The following CNOT2 variants were observed in gnomAD, a reference collection of about 807,000 sequenced individuals.
The protein encoded by CNOT2 is CCR4-NOT transcription complex subunit 2.
A neutral mutation model predicts 72.1 loss-of-function variants in CNOT2; 7 were observed. The observed-to-expected ratio is 0.10, with a 90% CI of 0.06 to 0.18. The LOEUF (loss-of-function observed/expected upper bound fraction) is 0.18, where lower values mean the gene tolerates loss of function less well. CNOT2 is among the 10% of genes least tolerant of loss of function. CNOT2 has a pLI of 1.00. For synonymous variants in CNOT2, 196 were observed against 225.6 expected (o/e 0.87, Z 1.17); for missense variants, 345 against 660.3 (o/e 0.52, Z 5.23).
chr12:70,340,790 C>G (rs1881384977), intron 11 of CNOT2, among the ~76,000 whole-genome samples: 1 of 151,616 alleles, frequency 6.6e-6, no homozygotes, highest in Non-Finnish European at 1.5e-5. Context: ...CGTACAATCT[C>G]TTCATATAAC....
intron 9 of CNOT2, 69 bp from the exon 10 acceptor site, chr12:70,338,374 A>G: frequency 3.1e-6 from 4 of 1,296,906 alleles, no homozygotes; most frequent in Non-Finnish European, 4.3e-6. Flanking sequence ...ATAGCAAGGT[A>G]TTAATATGTG....
intron 2 of CNOT2, chr12:70,294,238 C>T: frequency 7.8e-7 from 1 of 1,289,396 alleles, no homozygotes; most frequent in Middle Eastern, 2.1e-4. Context: ...TCACTTCAGC[C>T]TCCAGCTCTG....
At position 70,346,267 on chromosome 12, in the gene CNOT2, C is replaced by G; in HGVS notation, c.1479C>G (p.Thr493=). 1 of 1,611,616 alleles carries G rather than the reference C, an allele frequency of 6.2e-7. No homozygotes were observed. The highest frequency in any genetic ancestry group is 8.5e-7 in the Non-Finnish European group (1 of 1,177,816). ...TGGAGCCAACAATGAAAACCAATAC[C>G]TATGAGAGGGGAACATATTACTTCT... ...PGMEPTMKTN[T]YERGTYYFFD... Residue 493 remains threonine (T), a synonymous_variant, in exon 15 of 16, where the codon ACC becomes ACG. Transcript: ENST00000229195.
chr12:70,295,345 A>G (rs545426919), intron 2 of CNOT2, among the ~76,000 whole-genome samples: 2 of 152,256 alleles, frequency 1.3e-5, no homozygotes, highest in Admixed American at 1.3e-4. Flanking sequence ...ACTTCCCAGC[A>G]GTTTGTCTCC....
At chr12:70,302,503 A>G (rs1171371425) in intron 2 of CNOT2, among the ~76,000 whole-genome samples, 4 of 152,122 alleles carry the variant, frequency 2.6e-5, no homozygotes, top group African/African-American at 9.6e-5. Context: ...CAGGTTGTTC[A>G]GTTTCCATGT....
chr12:70,297,772 C>T, intron 2 of CNOT2: 1 of 367,244 alleles, frequency 2.7e-6, no homozygotes, highest in Non-Finnish European at 5.3e-6. Context: ...TGGTCTCACT[C>T]TGTCACCCAG....
intron 2 of CNOT2, among the ~76,000 whole-genome samples, chr12:70,300,206 A>G (rs570364496): frequency 3.3e-5 from 5 of 152,272 alleles, no homozygotes; most frequent in African/African-American, 1.2e-4. Context: ...TTTGCTGTGC[A>G]GAAGCTCTTT....
At chr12:70,331,196 T>G (rs1266134842) in intron 6 of CNOT2, 1 of 151,936 alleles carries the variant, frequency 6.6e-6, no homozygotes, top group African/African-American at 2.4e-5. Flanking sequence ...AAAACTACCT[T>G]GATCTAGTTG....
At chr12:70,296,152 C>A (rs911598360) in intron 2 of CNOT2, among the ~76,000 whole-genome samples, 1 of 151,950 alleles carries the variant, frequency 6.6e-6, no homozygotes, top group African/African-American at 2.4e-5. Context: ...CCAACACACA[C>A]ACACATACCC....
intron 2 of CNOT2, among the ~76,000 whole-genome samples, chr12:70,302,575 G>T (rs1239576309): frequency 6.6e-6 from 1 of 152,210 alleles, no homozygotes; most frequent in Non-Finnish European, 1.5e-5. Context: ...ACTGTGGTCT[G>T]AGAGACAGTT....
chr12:70,287,869 GAGCACTGGGT>G (rs1871169105), intron 2 of CNOT2, among the ~76,000 whole-genome samples: 1 of 149,638 alleles, frequency 6.7e-6, no homozygotes, highest in Non-Finnish European at 1.5e-5. Context: ...GGAATTCTTT[GAGCACTGGGT>G]AGAAGGGGAC....
intron 4 of CNOT2, chr12:70,322,775 G>T (rs1473946291): frequency 6.6e-6 from 1 of 151,742 alleles, no homozygotes; most frequent in Non-Finnish European, 1.5e-5. Context: ...GAGCACAGGT[G>T]GGGTGGTTCA....
chr12:70,269,198 AC>A (rs372808182), intron 1 of CNOT2, among the ~76,000 whole-genome samples: 6 of 151,708 alleles, frequency 4.0e-5, no homozygotes, highest in African/African-American at 1.5e-4. Flanking sequence ...TGTGTATGAG[AC>A]CTTGAACAAG....
At chr12:70,339,091 TACAC>T (rs1555205817) in intron 11 of CNOT2, among the ~76,000 whole-genome samples, 4 of 138,314 alleles carry the variant, frequency 2.9e-5, no homozygotes, top group Non-Finnish European at 6.2e-5. Context: ...TATATATATA[TACAC>T]ACACACACAC....
At chr12:70,323,099 A>C (rs1040621215) in intron 4 of CNOT2, 3 of 151,726 alleles carry the variant, frequency 2.0e-5, no homozygotes, top group East Asian at 1.9e-4. Context: ...AAGGGAAGCT[A>C]TAGTGGTATG....
chr12:70,336,430 T>C (rs1383984107), intron 8 of CNOT2: 1 of 152,130 alleles, frequency 6.6e-6, no homozygotes, highest in Non-Finnish European at 1.5e-5. Context: ...AGTTTTTTTC[T>C]TTTGGGAAAA....
intron 6 of CNOT2, chr12:70,331,469 C>T (rs960119286): frequency 6.6e-6 from 1 of 151,754 alleles, no homozygotes; most frequent in African/African-American, 2.4e-5. Context: ...TAGTATTGGG[C>T]ATTGAATGTA....
Position 70,354,890 on chromosome 12 carries a change from T to C in CNOT2, c.*975T>C, listed in dbSNP as rs758945998. ...AACTGAGACAATTCACTCTGGCTGT[T>C]TGAACAGCAGCGTTTCATAGGAAGA... is the stretch of plus-strand genomic sequence containing the variant. On this transcript the variant is annotated 3_prime_UTR_variant, in exon 16 of 16. Coordinates refer to ENST00000229195, the MANE Select transcript of CNOT2 (RefSeq NM_014515.7). 1.9e-4 allele frequency: 29 copies of C among 152,600 alleles called. No individual in the cohort carries two copies. Among genetic ancestry groups the C allele is most frequent in the Non-Finnish European group, 4.0e-4 (27 of 68,024 alleles). The allele number at this position is 152,600 out of a possible 1,614,324, so 9.5% of individuals were successfully genotyped here. A position where few individuals can be genotyped will look rare whatever the true frequency, so the allele number is the denominator to read the frequency against.
chr12:70,243,490 T>C lies in CNOT2; in HGVS notation c.-96+10T>C, dbSNP rs1033938226. ...CAAGAAAATTCATGCGGTGAGTTTTTGGTAAATTTTCGGAAGTCTGGCAGC... is the reference window on the plus strand; with the variant it reads ...CAAGAAAATTCATGCGGTGAGTTTTCGGTAAATTTTCGGAAGTCTGGCAGC... On this transcript the variant is annotated intron_variant, in intron 1 of 15. Transcript: ENST00000229195. The C allele has an allele frequency of 2.0e-4, 31 of 152,264 alleles. No homozygotes were observed. Among genetic ancestry groups the C allele is most frequent in the African/African-American group, 7.0e-4 (29 of 41,296 alleles). The allele number at this position is 152,264 out of a possible 1,614,324, so 9.4% of individuals were successfully genotyped here. A position where few individuals can be genotyped will look rare whatever the true frequency, so the allele number is the denominator to read the frequency against.
Sources: allele counts gnomAD v4.1 joint callset (sites outside exome capture counted in the v4.1 genomes callset), GRCh38; gene constraint gnomAD v4.1.1; transcripts MANE v1.5; gene names NCBI Gene and HGNC (gene_info 2026-07-23, HGNC 2026-07-21).